Variants in ADGRL2 observed in about 807,000 individuals in gnomAD.
The protein encoded by ADGRL2 is calcium-independent alpha-latrotoxin receptor 2.
In ADGRL2, 44 loss-of-function variants were observed where a neutral mutation model predicts 157.4. That is an observed-to-expected ratio of 0.28 (90% CI 0.22 to 0.36). The LOEUF (loss-of-function observed/expected upper bound fraction) is 0.36. Among genes scored for constraint, ADGRL2 ranks in the 10% least tolerant of loss-of-function variants. The pLI, the probability that ADGRL2 is intolerant of heterozygous loss-of-function variation, is 1.00. For missense variants in ADGRL2, 1,510 were observed against 1,768.9 expected, an observed-to-expected ratio of 0.85 and a Z score of 2.63; for synonymous variants, 585 against 624.7, an observed-to-expected ratio of 0.94 and a Z score of 0.95.
chr1:81,370,205 A>G (rs1486608080), intron 1 of ADGRL2, among the ~76,000 whole-genome samples: 2 of 152,208 alleles, frequency 1.3e-5, no homozygotes, highest in Admixed American at 6.5e-5. Context: ...TCTAGAATAT[A>G]TAAGTTTAAT....
At chr1:81,512,942 G>T (rs1471619850) in intron 2 of ADGRL2, among the ~76,000 whole-genome samples, 3 of 151,518 alleles carry the variant, frequency 2.0e-5, no homozygotes, top group Admixed American at 1.3e-4. Context: ...AGTCCCCAAC[G>T]CTTGCTAATA....
intron 2 of ADGRL2, among the ~76,000 whole-genome samples, chr1:81,453,503 T>C (rs2077741042): frequency 6.6e-6 from 1 of 152,088 alleles, no homozygotes; most frequent in Non-Finnish European, 1.5e-5. Flanking sequence ...GACTCACATA[T>C]GTACCTAGAG....
chr1:81,892,956 A>G (rs1015326126), intron 2 of ADGRL2, among the ~76,000 whole-genome samples: 1 of 152,204 alleles, frequency 6.6e-6, no homozygotes, highest in African/African-American at 2.4e-5. Context: ...AATATTAAAT[A>G]TAAATTAACA....
At chr1:81,848,712 C>T (rs539286980) in intron 2 of ADGRL2, among the ~76,000 whole-genome samples, 39 of 152,038 alleles carry the variant, frequency 2.6e-4, no homozygotes, top group African/African-American at 9.4e-4. Flanking sequence ...AACACTTCAA[C>T]TTTCAAATAA....
At chr1:81,847,818 T>G (rs1455992911) in intron 2 of ADGRL2, among the ~76,000 whole-genome samples, 1 of 151,936 alleles carries the variant, frequency 6.6e-6, no homozygotes, top group Non-Finnish European at 1.5e-5. Flanking sequence ...TATAAAGTCA[T>G]GTAATGCAAA....
At chr1:81,838,044 TA>T (rs2092370854) in intron 2 of ADGRL2, among the ~76,000 whole-genome samples, 1 of 152,050 alleles carries the variant, frequency 6.6e-6, no homozygotes, top group Non-Finnish European at 1.5e-5. Flanking sequence ...ATTTTATATG[TA>T]CTTTTAAGTG....
chr1:81,327,506 T>C (rs1030141923), intron 1 of ADGRL2, among the ~76,000 whole-genome samples: 4 of 152,206 alleles, frequency 2.6e-5, no homozygotes, highest in African/African-American at 9.6e-5. Context: ...AAATGCTCCA[T>C]ATAATTACAG....
chr1:81,349,555 A>AC (rs1662722752), intron 1 of ADGRL2, among the ~76,000 whole-genome samples: 1 of 150,494 alleles, frequency 6.6e-6, no homozygotes, highest in Non-Finnish European at 1.5e-5. Flanking sequence ...TTTTCCTTCT[A>AC]CCCCACCCCC....
intron 4 of ADGRL2, among the ~76,000 whole-genome samples, chr1:81,939,444 A>T (rs1647188909): frequency 6.6e-6 from 1 of 151,564 alleles, no homozygotes; most frequent in South Asian, 2.1e-4. Context: ...TCAAAGTATC[A>T]TTGTAAAACT....
At chr1:81,410,214 C>CT (rs1381402449) in intron 1 of ADGRL2, among the ~76,000 whole-genome samples, 6 of 152,144 alleles carry the variant, frequency 3.9e-5, no homozygotes, top group Admixed American at 6.5e-5. Flanking sequence ...TTCTGCCATT[C>CT]TTTTTTGTCA....
chr1:81,736,282 C>T (rs2149202604), intron 1 of ADGRL2, among the ~76,000 whole-genome samples: 1 of 151,838 alleles, frequency 6.6e-6, no homozygotes, highest in African/African-American at 2.4e-5. Context: ...TTAAATGGTT[C>T]ATTTCATTGA....
At chr1:81,597,320 A>G (rs1002935455) in intron 3 of ADGRL2, among the ~76,000 whole-genome samples, 1 of 152,124 alleles carries the variant, frequency 6.6e-6, no homozygotes. Flanking sequence ...TTAGCTTACC[A>G]CCAATGAATT....
chr1:81,395,807 T>C (rs1288465169), intron 1 of ADGRL2, among the ~76,000 whole-genome samples: 1 of 152,208 alleles, frequency 6.6e-6, no homozygotes, highest in Non-Finnish European at 1.5e-5. Context: ...CTGACTTTTG[T>C]CTAATAAATG....
intron 6 of ADGRL2, among the ~76,000 whole-genome samples, chr1:81,944,988 A>G (rs767990594): frequency 6.6e-6 from 1 of 152,102 alleles, no homozygotes; most frequent in African/African-American, 2.4e-5. Context: ...AATAACAATA[A>G]TGATCCACTG....
intron 1 of ADGRL2, among the ~76,000 whole-genome samples, chr1:81,386,292 G>C (rs1470599034): frequency 2.6e-5 from 4 of 152,098 alleles, no homozygotes; most frequent in Non-Finnish European, 5.9e-5. Context: ...TAGAGTAGTT[G>C]ATTTGGCCTT....
At chr1:81,508,372 A>C (rs959278853) in intron 2 of ADGRL2, among the ~76,000 whole-genome samples, 1 of 152,014 alleles carries the variant, frequency 6.6e-6, no homozygotes, top group Non-Finnish European at 1.5e-5. Flanking sequence ...CATCACCCCT[A>C]CCTCAGTCAC....
At chr1:81,783,347 C>G (rs1376430782) in intron 2 of ADGRL2, among the ~76,000 whole-genome samples, 1 of 151,694 alleles carries the variant, frequency 6.6e-6, no homozygotes, top group Non-Finnish European at 1.5e-5. Flanking sequence ...CCATGCTGGT[C>G]TCGAACTCCT....
intron 1 of ADGRL2, among the ~76,000 whole-genome samples, chr1:81,806,549 A>C (rs1301495108): frequency 6.6e-6 from 1 of 152,058 alleles, no homozygotes; most frequent in Non-Finnish European, 1.5e-5. Context: ...TGAGATTGAG[A>C]TGTCATGAAG....
chr1:81,654,618 G>C (rs17106881), intron 3 of ADGRL2, among the ~76,000 whole-genome samples: 27,973 of 152,198 alleles, frequency 0.18, 3,162 homozygotes, highest in African/African-American at 0.31. Context: ...GAGCCTTCAT[G>C]CTTTGGCTTC....
Sources: allele counts gnomAD v4.1 joint callset (sites outside exome capture counted in the v4.1 genomes callset), GRCh38; gene constraint gnomAD v4.1.1; transcripts MANE v1.5; gene names NCBI Gene and HGNC (gene_info 2026-07-23, HGNC 2026-07-21).